CEP70: variants seen among roughly 807,000 people sequenced by gnomAD.
CEP70 encodes centrosomal protein 70, also known as centrosomal protein of 70 kDa.
A neutral mutation model predicts 90.9 loss-of-function variants in CEP70; 70 were observed. The observed-to-expected ratio is 0.77, with a 90% CI of 0.64 to 0.94. The LOEUF is 0.94. CEP70 is among the 40% of genes least tolerant of loss of function. The pLI is 0.00. For synonymous variants in CEP70, 220 were observed against 228.3 expected, an observed-to-expected ratio of 0.96 and a Z score of 0.33; for missense variants, 648 against 669.0, an observed-to-expected ratio of 0.97 and a Z score of 0.35.
At chr3:138,578,324 A>G (rs2041665525) in intron 2 of CEP70, among the ~76,000 whole-genome samples, 1 of 152,156 alleles carries the variant, frequency 6.6e-6, no homozygotes, top group Admixed American at 6.5e-5. Flanking sequence ...GTGCTGGAAG[A>G]AAAAAAAGCT....
rs551408532 is a variant in CEP70, at chr3:138,535,724, G to A, written c.635+1454C>T. Among the ~76,000 whole-genome samples the A allele has an allele frequency of 5.5e-4, 84 of 152,138 alleles. 1 individual carries two copies. The highest frequency in any genetic ancestry group is 1.1e-3 in the Non-Finnish European group (75 of 67,964). On this transcript the variant is annotated intron_variant, in intron 7 of 17. Coordinates refer to ENST00000264982, the MANE Select transcript of CEP70 (RefSeq NM_024491.4). Reference sequence around the variant, plus strand: ...ATCTGGTACATTGCAAGTTCTCTCAGTGCTTCTCTCACCCTCTTACCCAGT... The same window carrying A: ...ATCTGGTACATTGCAAGTTCTCTCAATGCTTCTCTCACCCTCTTACCCAGT...
chr3:138,527,797 TC>T (rs557615890), intron 10 of CEP70, among the ~76,000 whole-genome samples: 133 of 151,718 alleles, frequency 8.8e-4, no homozygotes, highest in Non-Finnish European at 1.7e-3. Flanking sequence ...CAAACAATCC[TC>T]CTACCTGGGC....
At chr3:138,580,825 A>G (rs1244223728) in intron 2 of CEP70, among the ~76,000 whole-genome samples, 1 of 152,140 alleles carries the variant, frequency 6.6e-6, no homozygotes, top group East Asian at 1.9e-4. Context: ...AAGAAACTGA[A>G]ATAATTTTTT....
At chr3:138,571,233 T>A in intron 4 of CEP70, 33 bp downstream of exon 4, 2 of 1,573,580 alleles carry the variant, frequency 1.3e-6, no homozygotes, top group East Asian at 2.2e-5. Context: ...AATAAACTTT[T>A]TACCTTAAGC....
chr3:138,584,306 A>T (rs189140422), intron 2 of CEP70, among the ~76,000 whole-genome samples: 39 of 151,992 alleles, frequency 2.6e-4, no homozygotes, highest in African/African-American at 8.4e-4. Flanking sequence ...AAAGCCTCGG[A>T]CTCCATGGCT....
chr3:138,500,597 G>A (rs2034416655), intron 14 of CEP70, 30 bp from the exon 15 acceptor site: 11 of 1,554,472 alleles, frequency 7.1e-6, no homozygotes, highest in Non-Finnish European at 9.5e-6. Context: ...AAAAGAAAGA[G>A]TTCATTATCT....
At chr3:138,554,646 A>T (rs548572308) in intron 6 of CEP70, among the ~76,000 whole-genome samples, 2 of 152,330 alleles carry the variant, frequency 1.3e-5, no homozygotes, top group East Asian at 3.9e-4. Context: ...TAATGTACAT[A>T]AATCAGTATC....
intron 2 of CEP70, among the ~76,000 whole-genome samples, chr3:138,585,774 G>T (rs976229171): frequency 6.6e-6 from 1 of 152,138 alleles, no homozygotes; most frequent in Non-Finnish European, 1.5e-5. Context: ...AAGGTGCCAA[G>T]AACATACATT....
chr3:138,498,859 C>T (rs937633423), intron 16 of CEP70, among the ~76,000 whole-genome samples: 1 of 151,460 alleles, frequency 6.6e-6, no homozygotes, highest in African/African-American at 2.4e-5. Context: ...CTAGCCTGGC[C>T]AACATGGTGA....
At chr3:138,511,688 A>G (rs1237898162) in intron 11 of CEP70, among the ~76,000 whole-genome samples, 1 of 152,250 alleles carries the variant, frequency 6.6e-6, no homozygotes, top group Non-Finnish European at 1.5e-5. Context: ...GACAGTAACT[A>G]CAACTTATTG....
intron 2 of CEP70, among the ~76,000 whole-genome samples, chr3:138,586,675 G>A (rs186709578): frequency 2.6e-4 from 39 of 152,254 alleles, no homozygotes; most frequent in Non-Finnish European, 5.1e-4. Flanking sequence ...GTTACCAAAG[G>A]CTGGGAAGAG....
chr3:138,562,328 C>A (rs1372190667), intron 6 of CEP70, among the ~76,000 whole-genome samples: 2 of 151,992 alleles, frequency 1.3e-5, no homozygotes, highest in Admixed American at 6.6e-5. Context: ...ATATTATAGG[C>A]CAACATTCAA....
intron 2 of CEP70, among the ~76,000 whole-genome samples, chr3:138,576,290 G>A (rs1050566224): frequency 1.1e-4 from 17 of 152,118 alleles, no homozygotes; most frequent in African/African-American, 4.1e-4. Context: ...AAAAAAAGCA[G>A]GGGTTGCAAT....
At chr3:138,523,549 G>T (rs1009944340) in intron 11 of CEP70, among the ~76,000 whole-genome samples, 1 of 151,998 alleles carries the variant, frequency 6.6e-6, no homozygotes, top group Non-Finnish European at 1.5e-5. Flanking sequence ...AAATCAATGT[G>T]CAAAAATCAC....
At chr3:138,569,553 A>G (rs2041020169) in intron 6 of CEP70, among the ~76,000 whole-genome samples, 1 of 152,054 alleles carries the variant, frequency 6.6e-6, no homozygotes, top group African/African-American at 2.4e-5. Flanking sequence ...TATAAAAAGA[A>G]CTCAGTTTTA....
Position 138,546,864 on chromosome 3 carries a change from A to G in CEP70, c.466-9517T>C, listed in dbSNP as rs145829942. On this transcript the variant is annotated intron_variant, in intron 6 of 17. Transcript: ENST00000264982. ...TTTCCCTACCTGGCCTGTATAATAC[A>G]GACACAAATCTCTTATGGAACAGGA... Among the ~76,000 whole-genome samples, 859 of 152,322 alleles carry G rather than the reference A, an allele frequency of 5.6e-3. 7 individuals are homozygous for G. Among genetic ancestry groups the G allele is most frequent in the African/African-American group, 0.02 (827 of 41,580 alleles).
chr3:138,591,175 TAGAAA>T (rs1194425321), intron 2 of CEP70, among the ~76,000 whole-genome samples: 1 of 152,148 alleles, frequency 6.6e-6, no homozygotes, highest in Non-Finnish European at 1.5e-5. Flanking sequence ...ACACCACAAG[TAGAAA>T]ATTCCACACC....
chr3:138,505,079 C>G (rs969819109), intron 13 of CEP70, among the ~76,000 whole-genome samples: 7 of 152,092 alleles, frequency 4.6e-5, no homozygotes, highest in African/African-American at 9.7e-5. Context: ...GGAGGTAAAG[C>G]TTACAGTAAT....
intron 11 of CEP70, among the ~76,000 whole-genome samples, chr3:138,517,743 C>T (rs2036175689): frequency 6.6e-6 from 1 of 152,230 alleles, no homozygotes; most frequent in African/African-American, 2.4e-5. Flanking sequence ...CAGTCTACAA[C>T]TCCCTGCATG....
Sources: allele counts gnomAD v4.1 joint callset (sites outside exome capture counted in the v4.1 genomes callset), GRCh38; gene constraint gnomAD v4.1.1; transcripts MANE v1.5; gene names NCBI Gene and HGNC (gene_info 2026-07-23, HGNC 2026-07-21).